SGCD: variants seen among roughly 807,000 people sequenced by gnomAD.
SGCD encodes the protein delta-sarcoglycan.
Under a neutral mutation model 36.6 loss-of-function variants are expected in SGCD, and 18 were observed. The observed-to-expected ratio is 0.49, with a 90% CI of 0.34 to 0.73. The LOEUF is 0.73. SGCD is among the 30% of genes least tolerant of loss of function. The probability of loss-of-function intolerance (pLI) is 0.01; values close to 1 mark genes in which losing one functional copy is unlikely to be tolerated. For missense variants in SGCD, 387 were observed against 346.7 expected (o/e 1.12, Z -0.92); for synonymous variants, 133 against 130.6 (o/e 1.02, Z -0.12).
intron 1 of SGCD, among the ~76,000 whole-genome samples, chr5:156,071,814 C>A (rs1760573849): frequency 6.6e-6 from 1 of 152,088 alleles, no homozygotes; most frequent in South Asian, 2.1e-4. Flanking sequence ...TCTGGGTGCT[C>A]CTGTATTGGG....
At chr5:156,171,314 G>A (rs1408160477) in intron 3 of SGCD, among the ~76,000 whole-genome samples, 1 of 152,178 alleles carries the variant, frequency 6.6e-6, no homozygotes, top group African/African-American at 2.4e-5. Flanking sequence ...AAGGGATAAA[G>A]TGGATCCATC....
At chr5:156,441,315 G>A (rs1316336681) in intron 3 of SGCD, among the ~76,000 whole-genome samples, 4 of 106,190 alleles carry the variant, frequency 3.8e-5, no homozygotes, top group Admixed American at 3.7e-4. Flanking sequence ...CTTGCTAGCT[G>A]CATGTCCTTG....
chr5:155,954,073 C>T (rs1329660723), intron 1 of SGCD, among the ~76,000 whole-genome samples: 2 of 152,166 alleles, frequency 1.3e-5, no homozygotes, highest in African/African-American at 4.8e-5. Context: ...TTCACAATTC[C>T]TGTCAAACTA....
At chr5:155,986,409 A>G (rs1197311049) in intron 1 of SGCD, among the ~76,000 whole-genome samples, 2 of 152,126 alleles carry the variant, frequency 1.3e-5, no homozygotes, top group Non-Finnish European at 2.9e-5. Context: ...GGTTCTAGGG[A>G]GCATGTGGGA....
At chr5:156,084,498 T>TA (rs1394708655) in intron 1 of SGCD, among the ~76,000 whole-genome samples, 1 of 152,226 alleles carries the variant, frequency 6.6e-6, no homozygotes, top group East Asian at 1.9e-4. Flanking sequence ...CCCGAAATCA[T>TA]AAGAGATCAG....
rs144373761 is a variant in SGCD at position 156,152,388 on chromosome 5, G to A, written c.-44+28369G>A. Among the ~76,000 whole-genome samples, 8 of 151,658 alleles carry A rather than the reference G, an allele frequency of 5.3e-5. 1 individual carries two copies. The South Asian group carries it at 1.0e-3, about 20-fold the overall frequency. On this transcript the variant is annotated intron_variant, in intron 3 of 9. Coordinates refer to the SGCD transcript ENST00000517913. Reference sequence around the variant, plus strand: ...ATGATAGTCCCTTCACATAAGTCCTGATTCTGTACATAAGTCATTTAAATC... The same window carrying A: ...ATGATAGTCCCTTCACATAAGTCCTAATTCTGTACATAAGTCATTTAAATC...
At chr5:156,301,820 A>T in intron 3 of SGCD, among the ~76,000 whole-genome samples, 2 of 148,370 alleles carry the variant, frequency 1.3e-5, no homozygotes, top group South Asian at 2.1e-4. Flanking sequence ...TCAGCACTTT[A>T]CATATGTCAT....
intron 3 of SGCD, among the ~76,000 whole-genome samples, chr5:156,220,996 G>T (rs1325174407): frequency 6.6e-6 from 1 of 152,056 alleles, no homozygotes; most frequent in Non-Finnish European, 1.5e-5. Flanking sequence ...TTATTCTCTT[G>T]TCAGGAAAAA....
intron 3 of SGCD, among the ~76,000 whole-genome samples, chr5:156,398,590 G>A (rs1235500406): frequency 1.3e-5 from 2 of 152,166 alleles, no homozygotes; most frequent in African/African-American, 4.8e-5. Flanking sequence ...CTGGCAGGTG[G>A]TTACACACCC....
chr5:156,539,707 G>A (rs1758273843), intron 4 of SGCD, among the ~76,000 whole-genome samples: 1 of 152,034 alleles, frequency 6.6e-6, no homozygotes, highest in Admixed American at 6.6e-5. Flanking sequence ...TGTGAATTGT[G>A]TTGCTATAAA....
intron 3 of SGCD, among the ~76,000 whole-genome samples, chr5:156,145,619 A>G (rs1281959749): frequency 6.6e-6 from 1 of 152,162 alleles, no homozygotes. Context: ...AAGCCTCCCA[A>G]AAAAGTTGAA....
chr5:156,074,430 G>A (rs886829379), intron 1 of SGCD, among the ~76,000 whole-genome samples: 3 of 152,118 alleles, frequency 2.0e-5, no homozygotes, highest in Non-Finnish European at 2.9e-5. Context: ...TTTTAAAAAT[G>A]TGTATTTACT....
Position 156,419,700 on chromosome 5 carries a change from T to C in SGCD, c.192+75023T>C, listed in dbSNP as rs12515911. ...CCATTTGCAATATTTATTAGTTTCA[T>C]AAGTGGGCAAGAGAAAATAGACTGC... is the stretch of plus-strand genomic sequence containing the variant. On this transcript the variant is annotated intron_variant, in intron 3 of 8. Transcript: ENST00000337851. 1.4e-3 allele frequency among the ~76,000 whole-genome samples: 220 copies of C among 152,290 alleles called. 2 individuals are homozygous for C. The highest frequency in any genetic ancestry group is 6.8e-3 in the Middle Eastern group (2 of 294).
intron 3 of SGCD, among the ~76,000 whole-genome samples, chr5:156,480,093 G>A (rs1755357222): frequency 6.6e-6 from 1 of 152,226 alleles, no homozygotes; most frequent in East Asian, 1.9e-4. Context: ...ACTCTGAGTA[G>A]TCAGTAGGGA....
Position 156,257,006 on chromosome 5 carries a change from C to A in SGCD, c.-43-72528C>A, listed in dbSNP as rs1187005335. 2.0e-5 allele frequency among the ~76,000 whole-genome samples: 3 copies of A among 151,904 alleles called. No individual in the cohort carries two copies. In the East Asian group the frequency reaches 5.8e-4, roughly 29 times the overall value. ...CCAACCTGGGCAACATAACGAGACC[C>A]CCATCTCCACAAATAATTTAAAAAT... On this transcript the variant is annotated intron_variant, in intron 3 of 9. Coordinates refer to the SGCD transcript ENST00000517913.
intron 3 of SGCD, among the ~76,000 whole-genome samples, chr5:156,230,931 A>C (rs570348681): frequency 2.0e-5 from 3 of 152,256 alleles, no homozygotes; most frequent in Admixed American, 2.0e-4. Context: ...ATCATACAAG[A>C]CATTTGGATA....
chr5:155,769,974 AG>A, the SGCD span, among the ~76,000 whole-genome samples: 1 of 152,042 alleles, frequency 6.6e-6, no homozygotes, highest in African/African-American at 2.4e-5. Flanking sequence ...TTTTATTCAT[AG>A]GACTTGCTTC....
At chr5:156,617,889 G>A (rs996098596) in intron 6 of SGCD, among the ~76,000 whole-genome samples, 1 of 152,074 alleles carries the variant, frequency 6.6e-6, no homozygotes, top group African/African-American at 2.4e-5. Flanking sequence ...CCATGACAAG[G>A]TGAAGCAACT....
chr5:156,687,263 C>T lies in SGCD; in HGVS notation c.575+39727C>T, dbSNP rs141703514. Among the ~76,000 whole-genome samples the T allele has an allele frequency of 9.1e-4, 139 of 152,326 alleles. No homozygotes were observed. In the Middle Eastern group the frequency reaches 0.017, roughly 19 times the overall value. ...CAGGACTGTAGAATCTTAATGCATT[C>T]TTCCCACCCAGCACAAATGTGGGGG... On this transcript the variant is annotated intron_variant, in intron 7 of 8. Coordinates refer to ENST00000337851, the MANE Select transcript of SGCD (RefSeq NM_000337.6).
Sources: allele counts gnomAD v4.1 joint callset (sites outside exome capture counted in the v4.1 genomes callset), GRCh38; gene constraint gnomAD v4.1.1; transcripts MANE v1.5; gene names NCBI Gene and HGNC (gene_info 2026-07-23, HGNC 2026-07-21).